Variants in KLHL14 observed in about 807,000 individuals in gnomAD.
KLHL14 encodes kelch-like protein 14.
KLHL14 carries 22 observed loss-of-function variants against 64.3 expected under a neutral mutation model. The ratio of observed to expected loss-of-function variants is 0.34; its 90% CI spans 0.24 to 0.49. KLHL14 has a LOEUF of 0.49. Among genes scored for constraint, KLHL14 ranks in the 20% least tolerant of loss-of-function variants. KLHL14 has a pLI of 0.99. For missense variants in KLHL14, 661 were observed against 789.0 expected, an observed-to-expected ratio of 0.84 and a Z score of 1.94; for synonymous variants, 322 against 333.4, an observed-to-expected ratio of 0.97 and a Z score of 0.37.
intron 2 of KLHL14, among the ~76,000 whole-genome samples, chr18:32,750,820 C>T (rs1168287770): frequency 2.0e-5 from 3 of 152,152 alleles, no homozygotes; most frequent in Non-Finnish European, 4.4e-5. Context: ...AAAGTGGTAG[C>T]CCTGCTTTCT....
Position 32,770,032 on chromosome 18 carries a change from T to G in KLHL14, c.560A>C (p.Lys187Thr). The G allele has an allele frequency of 6.2e-7, 1 of 1,614,038 alleles. No individual in the cohort carries two copies. Among genetic ancestry groups the G allele is most frequent in the East Asian group, 2.2e-5 (1 of 44,856 alleles). Residue 187 changes from lysine (K) to threonine (T), a missense_variant, in exon 2 of 9, where the codon AAG becomes ACG. This residue lies in a region of KLHL14 where 331 missense variants were observed against 339.0 expected (regional missense o/e 0.98). Transcript: ENST00000359358. The surrounding 1 kb of genome is among the most constrained non-coding windows in gnomAD (Gnocchi z 6.7). The part of the protein sequence containing the change: ...LNDQISVQNY[K>T]QVCKIAALHG... Reference sequence around the variant, plus strand: ...CAGCGCGGCGATCTTGCACACCTGCTTGTAGTTCTGCACCGAGATCTGGTC... The same window carrying G: ...CAGCGCGGCGATCTTGCACACCTGCGTGTAGTTCTGCACCGAGATCTGGTC...
Position 32,770,604 on chromosome 18 carries a change from C to T in KLHL14, c.-13G>A. ...CGGATCTGGACATGGCGAGCTGACT[C>T]GGTGCACCTGGCTTTAAACCCTCCT... On this transcript the variant is annotated 5_prime_UTR_variant, in exon 2 of 9. Coordinates refer to ENST00000359358, the MANE Select transcript of KLHL14 (RefSeq NM_020805.3). This position sits in a 1 kb window ranked among gnomAD's most constrained non-coding sequence, Gnocchi z 6.7. 1.5e-6 allele frequency: 2 copies of T among 1,300,686 alleles called. No individual in the cohort carries two copies. Among genetic ancestry groups the T allele is most frequent in the East Asian group, 4.8e-5 (1 of 20,684 alleles). The allele number at this position is 1,300,686 out of a possible 1,614,324, so 80.6% of individuals were successfully genotyped here.
chr18:32,732,105 TC>T (rs1374793143), intron 3 of KLHL14, among the ~76,000 whole-genome samples: 1 of 152,100 alleles, frequency 6.6e-6, no homozygotes, highest in East Asian at 1.9e-4. Flanking sequence ...ATGCCTGTAG[TC>T]CCAGCTACTC....
intron 1 of KLHL14, among the ~76,000 whole-genome samples, chr18:32,771,882 C>A (rs1353106857): frequency 2.6e-5 from 4 of 151,932 alleles, no homozygotes. Flanking sequence ...CCCTTCTGAC[C>A]CCCTCGGTAG....
chr18:32,698,894 T>A (rs2049949290), intron 3 of KLHL14, among the ~76,000 whole-genome samples: 1 of 152,172 alleles, frequency 6.6e-6, no homozygotes. Context: ...AACATTTACA[T>A]TTAATATTTT....
intron 3 of KLHL14, among the ~76,000 whole-genome samples, chr18:32,706,042 G>C (rs2049988558): frequency 6.6e-6 from 1 of 152,190 alleles, no homozygotes; most frequent in Non-Finnish European, 1.5e-5. Context: ...ATCCATCATT[G>C]CATTTGTTCT....
chr18:32,725,462 C>G (rs2050103630), intron 3 of KLHL14, among the ~76,000 whole-genome samples: 1 of 152,166 alleles, frequency 6.6e-6, no homozygotes, highest in Non-Finnish European at 1.5e-5. Context: ...AAGAGCTGGA[C>G]ATATCTTTGA....
chr18:32,689,422 G>A (rs943013477), intron 4 of KLHL14, among the ~76,000 whole-genome samples: 1 of 152,158 alleles, frequency 6.6e-6, no homozygotes, highest in South Asian at 2.1e-4. Context: ...AGGAAGGGAA[G>A]TGAGCAACTG....
At chr18:32,762,117 C>T (rs2050317640) in intron 2 of KLHL14, among the ~76,000 whole-genome samples, 1 of 151,924 alleles carries the variant, frequency 6.6e-6, no homozygotes, top group Non-Finnish European at 1.5e-5. Context: ...AACAAAAAAT[C>T]TTATTAACTC....
intron 2 of KLHL14, among the ~76,000 whole-genome samples, chr18:32,762,643 A>G (rs2050320539): frequency 6.6e-6 from 1 of 152,110 alleles, no homozygotes; most frequent in Non-Finnish European, 1.5e-5. Context: ...GAACACACTC[A>G]TTGTATCATC....
At chr18:32,765,187 T>C (rs930390949) in intron 2 of KLHL14, among the ~76,000 whole-genome samples, 4 of 152,192 alleles carry the variant, frequency 2.6e-5, no homozygotes, top group Non-Finnish European at 4.4e-5. Flanking sequence ...AAGTAATGTA[T>C]GTGAAGTGCG....
intron 2 of KLHL14, among the ~76,000 whole-genome samples, chr18:32,769,006 AG>A (rs2050361931): frequency 6.6e-6 from 1 of 152,244 alleles, no homozygotes; most frequent in Non-Finnish European, 1.5e-5. Flanking sequence ...TGAAAAGGAA[AG>A]GCTTTCCACA....
intron 3 of KLHL14, among the ~76,000 whole-genome samples, chr18:32,709,561 C>A (rs969219208): frequency 5.3e-5 from 8 of 152,102 alleles, no homozygotes; most frequent in African/African-American, 1.9e-4. Flanking sequence ...GATCCTCCCC[C>A]CTCAGCCTTC....
intron 3 of KLHL14, among the ~76,000 whole-genome samples, chr18:32,704,782 T>C (rs1315545090): frequency 6.6e-6 from 1 of 152,206 alleles, no homozygotes; most frequent in Non-Finnish European, 1.5e-5. Flanking sequence ...TGTACTGTAC[T>C]GTGTACCTAT....
intron 2 of KLHL14, among the ~76,000 whole-genome samples, chr18:32,756,089 A>G (rs554993375): frequency 9.8e-5 from 15 of 152,328 alleles, no homozygotes; most frequent in African/African-American, 3.4e-4. Context: ...TAACCCCCAA[A>G]GTGACTACAT....
At chr18:32,710,864 G>GCAAA (rs2050015651) in intron 3 of KLHL14, among the ~76,000 whole-genome samples, 1 of 152,034 alleles carries the variant, frequency 6.6e-6, no homozygotes, top group African/African-American at 2.4e-5. Context: ...AGGCACCTTT[G>GCAAA]GGTGCCTAAC....
intron 3 of KLHL14, chr18:32,738,041 T>A (rs1246280771): frequency 6.6e-6 from 1 of 152,120 alleles, no homozygotes; most frequent in Non-Finnish European, 1.5e-5. Context: ...AAGCATCTAA[T>A]AAATAGAATC....
intron 2 of KLHL14, among the ~76,000 whole-genome samples, chr18:32,761,304 G>A (rs1281271130): frequency 1.3e-5 from 2 of 150,914 alleles, no homozygotes; most frequent in African/African-American, 4.9e-5. Context: ...ATTTTAAAAT[G>A]TATCTATGCA....
At chr18:32,678,117 G>C (rs757872902) in intron 7 of KLHL14, among the ~76,000 whole-genome samples, 1 of 152,020 alleles carries the variant, frequency 6.6e-6, no homozygotes, top group Non-Finnish European at 1.5e-5. Context: ...TAGGGTTCTT[G>C]GTGTCTGGGG....
Sources: gnomAD v4.1 joint callset for allele counts (sites outside exome capture counted in the v4.1 genomes callset) on GRCh38, gnomAD v4.1.1 for gene constraint, gnomAD v4.1.1 regional missense constraint, Gnocchi (gnomAD v3.1) non-coding constraint, MANE v1.5 for transcripts, NCBI Gene and HGNC (gene_info 2026-07-23, HGNC 2026-07-21) for gene names.